The following RAB3GAP1 variants were observed in gnomAD, a reference collection of about 807,000 sequenced individuals.
RAB3GAP1 encodes the protein rab3 GTPase-activating protein catalytic subunit.
Under a neutral mutation model 130.7 loss-of-function variants are expected in RAB3GAP1, and 86 were observed. That is an observed-to-expected ratio of 0.66 (90% CI 0.55 to 0.79). RAB3GAP1 has a LOEUF of 0.79. Ranked by LOEUF, RAB3GAP1 falls within the 30% of genes least tolerant of loss-of-function variation. The pLI is 0.00. For synonymous variants in RAB3GAP1, 367 were observed against 401.7 expected (o/e 0.91, Z 1.03); for missense variants, 1,029 against 1,169.4 (o/e 0.88, Z 1.75).
At chr2:135,060,614 A>T (rs1689141594) in intron 3 of RAB3GAP1, among the ~76,000 whole-genome samples, 1 of 151,860 alleles carries the variant, frequency 6.6e-6, no homozygotes, top group South Asian at 2.1e-4. Context: ...TCCTGTCAAG[A>T]TAGAGGTCAT....
chr2:135,114,510 A>G (rs1328125942), intron 6 of RAB3GAP1, among the ~76,000 whole-genome samples: 1 of 152,242 alleles, frequency 6.6e-6, no homozygotes, highest in African/African-American at 2.4e-5. Context: ...GTTATGTGCT[A>G]TAAAGTTGCC....
At chr2:135,095,701 A>G (rs989121383) in intron 5 of RAB3GAP1, among the ~76,000 whole-genome samples, 2 of 152,306 alleles carry the variant, frequency 1.3e-5, no homozygotes, top group East Asian at 3.9e-4. Context: ...TCAGGCAAAA[A>G]CAACAAGTTT....
At chr2:135,086,028 G>A (rs769852308) in intron 3 of RAB3GAP1, among the ~76,000 whole-genome samples, 9 of 151,990 alleles carry the variant, frequency 5.9e-5, no homozygotes, top group African/African-American at 1.2e-4. Flanking sequence ...TGCACTCTTC[G>A]TATCTAACTT....
rs754943146 is a variant in RAB3GAP1, at chr2:135,168,957, G to A, written c.*176G>A. ...CACCAAGCTTGAGCTGTGTCGTTTC[G>A]TGGAGGGGGCAGCGAGGATGGGCTT... is the stretch of plus-strand genomic sequence containing the variant. On this transcript the variant is annotated 3_prime_UTR_variant, in exon 24 of 24. Transcript: ENST00000264158. 2.5e-5 allele frequency: 17 copies of A among 685,180 alleles called. No individual in the cohort carries two copies. The highest frequency in any genetic ancestry group is 1.4e-4 in the African/African-American group (8 of 56,188). The allele number at this position is 685,180 out of a possible 1,614,324, so 42.4% of individuals were successfully genotyped here.
chr2:135,104,333 G>C (rs979291969), intron 5 of RAB3GAP1, among the ~76,000 whole-genome samples: 14 of 152,056 alleles, frequency 9.2e-5, no homozygotes, highest in African/African-American at 3.4e-4. Flanking sequence ...TCAAAATATA[G>C]AGTTTTCAAC....
Position 135,068,122 on chromosome 2 carries a change from CTA to C in RAB3GAP1, c.150+10038_150+10039del, listed in dbSNP as rs1223250848. On this transcript the variant is annotated intron_variant, in intron 3 of 23. Coordinates refer to ENST00000264158, the MANE Select transcript of RAB3GAP1 (RefSeq NM_012233.3). ...TATAAACATAGAATTATTTAACACTCTATTGCAATAAAAACGATTGTTTCTTA... is the reference window on the plus strand; with the variant it reads ...TATAAACATAGAATTATTTAACACTCTTGCAATAAAAACGATTGTTTCTTA... Among the ~76,000 whole-genome samples, 4 of 152,212 alleles carry C rather than the reference CTA, an allele frequency of 2.6e-5. No homozygotes were observed. The South Asian group carries it at 8.3e-4, about 32-fold the overall frequency.
At chr2:135,146,875 C>A (rs1290981464) in intron 17 of RAB3GAP1, among the ~76,000 whole-genome samples, 1 of 151,968 alleles carries the variant, frequency 6.6e-6, no homozygotes, top group Non-Finnish European at 1.5e-5. Flanking sequence ...TCCATTCACT[C>A]TTGATAAACA....
At chr2:135,153,541 A>T in intron 18 of RAB3GAP1, 108 bp from the exon 19 acceptor site, 1 of 985,428 alleles carries the variant, frequency 1.0e-6, no homozygotes, top group Non-Finnish European at 1.6e-6. Flanking sequence ...TACATATTAG[A>T]TTGTAAAGAT....
At chr2:135,066,219 C>G (rs989768114) in intron 3 of RAB3GAP1, among the ~76,000 whole-genome samples, 2 of 152,144 alleles carry the variant, frequency 1.3e-5, no homozygotes, top group Non-Finnish European at 2.9e-5. Context: ...TGCATTTGGT[C>G]TCTCTCCAGA....
chr2:135,159,123 A>G (rs1692396446), intron 19 of RAB3GAP1, among the ~76,000 whole-genome samples: 2 of 152,210 alleles, frequency 1.3e-5, no homozygotes, highest in South Asian at 4.1e-4. Flanking sequence ...ACTGGTATAA[A>G]TAATTGATTG....
intron 3 of RAB3GAP1, among the ~76,000 whole-genome samples, chr2:135,069,602 G>A (rs188452850): frequency 1.1e-3 from 168 of 152,114 alleles, no homozygotes; most frequent in African/African-American, 3.0e-3. Context: ...ATGTTTACAG[G>A]GTAGCAAATA....
chr2:135,153,525 T>C, intron 18 of RAB3GAP1, 124 bp from the exon 19 acceptor site: 4 of 861,254 alleles, frequency 4.6e-6, no homozygotes, highest in Non-Finnish European at 7.7e-6. Flanking sequence ...ACATCCAAAT[T>C]CATTTTACAT....
chr2:135,117,522 G>GCTT (rs34125264), intron 7 of RAB3GAP1, among the ~76,000 whole-genome samples: 6,150 of 29,718 alleles, frequency 0.21, 359 homozygotes, highest in African/African-American at 0.36. Context: ...TGCTTCTTCT[G>GCTT]CTTCTTCTGC....
At chr2:135,141,398 G>C (rs190942268) in intron 17 of RAB3GAP1, among the ~76,000 whole-genome samples, 32 of 151,694 alleles carry the variant, frequency 2.1e-4, no homozygotes, top group Non-Finnish European at 3.4e-4. Context: ...CTAATTTTTT[G>C]TATTTTTAGT....
At chr2:135,106,213 AGTGAGGAG>A (rs1690612080) in intron 5 of RAB3GAP1, among the ~76,000 whole-genome samples, 6 of 150,862 alleles carry the variant, frequency 4.0e-5, no homozygotes, top group African/African-American at 1.2e-4. Context: ...CCTTCTGGGA[AGTGAGGAG>A]CCCCTCTGCC....
intron 3 of RAB3GAP1, among the ~76,000 whole-genome samples, chr2:135,065,713 C>T (rs1440636203): frequency 2.6e-5 from 4 of 151,552 alleles, no homozygotes; most frequent in South Asian, 2.1e-4. Flanking sequence ...TTAAACGTCA[C>T]GCTTTCGAAC....
intron 17 of RAB3GAP1, among the ~76,000 whole-genome samples, chr2:135,143,402 T>C (rs1006435002): frequency 1.3e-5 from 2 of 152,080 alleles, no homozygotes; most frequent in African/African-American, 4.8e-5. Context: ...TTGGGTTTTG[T>C]TGATTTTTCT....
intron 5 of RAB3GAP1, among the ~76,000 whole-genome samples, chr2:135,095,164 T>G (rs1330299344): frequency 1.3e-5 from 2 of 152,178 alleles, no homozygotes; most frequent in African/African-American, 4.8e-5. Flanking sequence ...TTCTCCTCCC[T>G]CAGGCTCCCA....
chr2:135,083,647 G>A (rs963119388), intron 3 of RAB3GAP1, among the ~76,000 whole-genome samples: 2 of 150,182 alleles, frequency 1.3e-5, no homozygotes, highest in African/African-American at 4.9e-5. Context: ...TTTTTTTTCG[G>A]TTAGGGATGG....
Sources: allele counts gnomAD v4.1 joint callset (sites outside exome capture counted in the v4.1 genomes callset), GRCh38; gene constraint gnomAD v4.1.1; transcripts MANE v1.5; gene names NCBI Gene and HGNC (gene_info 2026-07-23, HGNC 2026-07-21).